Variants in KIAA0408 observed in about 807,000 individuals in gnomAD.
KIAA0408 encodes KIAA0408, also known as uncharacterized protein KIAA0408.
Under a neutral mutation model 60.9 loss-of-function variants are expected in KIAA0408, and 51 were observed. That is an observed-to-expected ratio of 0.84 (90% CI 0.67 to 1.06). KIAA0408 has a LOEUF of 1.06. Among genes scored for constraint, KIAA0408 ranks in the 50% least tolerant of loss-of-function variants. The probability of loss-of-function intolerance (pLI) is 0.00; values close to 1 mark genes in which losing one functional copy is unlikely to be tolerated. For missense variants in KIAA0408, 787 were observed against 833.9 expected, an observed-to-expected ratio of 0.94 and a Z score of 0.69; for synonymous variants, 304 against 282.4, an observed-to-expected ratio of 1.08 and a Z score of -0.77.
At position 127,439,249 on chromosome 6, in the gene KIAA0408, T is replaced by C. The variant is rs1272891684; in HGVS notation, c.*4860A>G. 6.6e-6 allele frequency: 1 copy of C among 152,270 alleles called. No individual in the cohort carries two copies. Among genetic ancestry groups the C allele is most frequent in the East Asian group, 1.9e-4 (1 of 5,206 alleles). The allele number at this position is 152,270 out of a possible 1,614,324, so 9.4% of individuals were successfully genotyped here. Reference sequence around the variant, plus strand: ...AGATAATACTTCAAGCAAACTGCTTTTATTTATTCTGGAGTATATGTAACT... The same window carrying C: ...AGATAATACTTCAAGCAAACTGCTTCTATTTATTCTGGAGTATATGTAACT... On this transcript the variant is annotated 3_prime_UTR_variant, in exon 6 of 6. Transcript: ENST00000483725.
Position 127,446,556 on chromosome 6 carries a change from CA to C in KIAA0408, c.1762del (p.Trp588GlyfsTer14). 1 of 1,614,140 alleles carries C rather than the reference CA, an allele frequency of 6.2e-7. No homozygotes were observed. Among genetic ancestry groups the C allele is most frequent in the East Asian group, 2.2e-5 (1 of 44,882 alleles). ...LQNSKCFQDN[W>X]TKCNSDVSGG... The stretch of plus-strand genomic sequence containing the variant: ...ACTGACATCAGAATTACATTTGGTC[CA>C]ATTATCCTGGAAGCACTTAGAATTT... On this transcript the variant is annotated frameshift_variant, in exon 5 of 6. Coordinates refer to ENST00000483725, the MANE Select transcript of KIAA0408 (RefSeq NM_014702.5). LOFTEE classifies it high-confidence loss of function.
rs148801531 is a variant in KIAA0408 at position 127,438,437 on chromosome 6, T to C, written c.*5672A>G. 46 of 152,314 alleles carry C rather than the reference T, an allele frequency of 3.0e-4. No homozygotes were observed. Among genetic ancestry groups the C allele is most frequent in the African/African-American group, 1.1e-3 (44 of 41,566 alleles). 9.4% of individuals were successfully genotyped at this position (152,314 alleles called of 1,614,324 possible). On this transcript the variant is annotated 3_prime_UTR_variant, in exon 6 of 6. Coordinates refer to ENST00000483725, the MANE Select transcript of KIAA0408 (RefSeq NM_014702.5). ...GATTAAATTTGTTTAATGATTCTTA[T>C]AAAATTGCCATGAGTAAGTAATTGA...
Position 127,447,367 on chromosome 6 carries a change from G to C in KIAA0408, c.952C>G (p.Gln318Glu), listed in dbSNP as rs765551325. 2.4e-5 allele frequency: 38 copies of C among 1,612,124 alleles called. No homozygotes were observed. In the Admixed American group the frequency reaches 3.9e-4, roughly 16 times the overall value. The change falls in exon 5 of 6, where the codon CAA (glutamine) becomes GAA (glutamate). Residue 318 changes from glutamine to glutamate, a missense_variant. This residue lies in a region of KIAA0408 where 640 missense variants were observed against 681.3 expected (regional missense o/e 0.94). Transcript: ENST00000483725. ...NYNPHFPLRQ[Q>E]EMSMLYPNEG... Reference sequence around the variant, plus strand: ...TTTGGATACAACATAGACATCTCTTGTTGTCTCAAAGGGAAGTGAGGGTTG... The same window carrying C: ...TTTGGATACAACATAGACATCTCTTCTTGTCTCAAAGGGAAGTGAGGGTTG...
Position 127,439,157 on chromosome 6 carries a change from T to C in KIAA0408, c.*4952A>G. ...CCCAGCCTCCAGAACTGTAGAGAAA[T>C]AAATTTCTGTTCTTTATAAATAACC... On this transcript the variant is annotated 3_prime_UTR_variant, in exon 6 of 6. Coordinates refer to ENST00000483725, the MANE Select transcript of KIAA0408 (RefSeq NM_014702.5). The C allele has an allele frequency of 6.2e-6, 1 of 161,408 alleles. No individual in the cohort carries two copies. Among genetic ancestry groups the C allele is most frequent in the Non-Finnish European group, 1.3e-5 (1 of 75,322 alleles). 10.0% of individuals were successfully genotyped at this position (161,408 alleles called of 1,614,324 possible). A position where few individuals can be genotyped will look rare whatever the true frequency, so the allele number is the denominator to read the frequency against.
intron 2 of KIAA0408, among the ~76,000 whole-genome samples, chr6:127,453,581 T>TA (rs964357593): frequency 6.6e-6 from 1 of 152,020 alleles, no homozygotes; most frequent in Admixed American, 6.6e-5. Context: ...TCACTTTTGA[T>TA]AAAAAAGCTC....
Position 127,442,655 on chromosome 6 carries a change from CAG to C in KIAA0408, c.*1452_*1453del, listed in dbSNP as rs1176004533. 1 of 152,132 alleles carries C rather than the reference CAG, an allele frequency of 6.6e-6. No individual in the cohort carries two copies. The allele number at this position is 152,132 out of a possible 1,614,324, so 9.4% of individuals were successfully genotyped here. ...AATTTGAAAATTATTTTCTTTACCT[CAG>C]GTCATGGGGTACAATGAAGTGAATT... On this transcript the variant is annotated 3_prime_UTR_variant, in exon 6 of 6. Coordinates refer to ENST00000483725, the MANE Select transcript of KIAA0408 (RefSeq NM_014702.5).
chr6:127,457,155 T>C (rs1773410428), intron 1 of KIAA0408, among the ~76,000 whole-genome samples: 1 of 152,214 alleles, frequency 6.6e-6, no homozygotes, highest in Non-Finnish European at 1.5e-5. Flanking sequence ...AAAAAAGTTT[T>C]ATTGTTAATA....
Position 127,453,939 on chromosome 6 carries a change from G to A in KIAA0408, c.43C>T (p.His15Tyr). The A allele has an allele frequency of 6.2e-7, 1 of 1,612,402 alleles. No homozygotes were observed. The highest frequency in any genetic ancestry group is 8.5e-7 in the Non-Finnish European group (1 of 1,179,044). The change falls in exon 2 of 6, where the codon CAT becomes TAT. Residue 15 changes from histidine (H) to tyrosine (Y), a missense_variant. By Grantham distance (83) the His-to-Tyr change is moderately conservative. Coordinates refer to ENST00000483725, the MANE Select transcript of KIAA0408 (RefSeq NM_014702.5). ...TCCAGTAATTCCATCTTTTCCTTAT[G>A]CCAGTTAGTCTCTGTGTTCTCCCAC... ...KQWENTETNW[H>Y]KEKMELLDQF...
In KIAA0408 at chr6:127,441,125, G is replaced by A. The variant is rs1773101718; in HGVS notation, c.*2984C>T. 6.6e-6 allele frequency: 1 copy of A among 152,254 alleles called. No individual in the cohort carries two copies. The allele number at this position is 152,254 out of a possible 1,614,324, so 9.4% of individuals were successfully genotyped here. A position where few individuals can be genotyped will look rare whatever the true frequency, so the allele number is the denominator to read the frequency against. On this transcript the variant is annotated 3_prime_UTR_variant, in exon 6 of 6. Transcript: ENST00000483725. Reference sequence around the variant, plus strand: ...TATCAAGTAGTTGTTTGTCACAAATGTGCCTAAAAATAACTTTAAAGATCT... The same window carrying A: ...TATCAAGTAGTTGTTTGTCACAAATATGCCTAAAAATAACTTTAAAGATCT...
At chr6:127,449,222 C>T (rs937111811) in intron 4 of KIAA0408, among the ~76,000 whole-genome samples, 1 of 152,106 alleles carries the variant, frequency 6.6e-6, no homozygotes, top group East Asian at 1.9e-4. Context: ...GAAAGAACTA[C>T]TTTAGAGGTT....
At chr6:127,444,957 A>C (rs1773165038) in intron 5 of KIAA0408, among the ~76,000 whole-genome samples, 2 of 151,466 alleles carry the variant, frequency 1.3e-5, no homozygotes, top group Admixed American at 6.6e-5. Flanking sequence ...ATGGAAAAAA[A>C]GCATTCCTTG....
intron 2 of KIAA0408, 97 bp from the exon 3 acceptor site, chr6:127,450,449 C>T: frequency 6.9e-7 from 1 of 1,441,300 alleles, no homozygotes; most frequent in Non-Finnish European, 9.1e-7. Flanking sequence ...TTCTCTTTGC[C>T]ATATTAAAAT....
rs1214275758 is a variant in KIAA0408 at position 127,446,804 on chromosome 6, C to T, written c.1515G>A (p.Met505Ile). ...TGGTGGGATTATCAGGCACATTTTC[C>T]ATGGGCACAGGCATGTGGGCATTGG... Reference protein sequence around the residue: ...WKTNAHMPVPMENVPDNPTKK... With the variant: ...WKTNAHMPVPIENVPDNPTKK... The change falls in exon 5 of 6, where the codon ATG becomes ATA. Residue 505 changes from methionine (M) to isoleucine (I), a missense_variant. Around this residue, in one of 3 missense-constraint regions of KIAA0408, gnomAD observed 640 missense variants for 681.3 expected, o/e 0.94. Transcript: ENST00000483725. 1.2e-6 allele frequency: 2 copies of T among 1,613,964 alleles called. No homozygotes were observed. Among genetic ancestry groups the T allele is most frequent in the Non-Finnish European group, 1.7e-6 (2 of 1,179,974 alleles).
Position 127,447,265 on chromosome 6 carries a change from T to C in KIAA0408, c.1054A>G (p.Ser352Gly). ...PEVKIDSKPP[S>G]NEDVGLSMWS... The stretch of plus-strand genomic sequence containing the variant: ...ATGCTAAGTCCAACATCTTCATTAC[T>C]TGGAGGCTTGCTATCTATTTTGACT... The change falls in exon 5 of 6, where the codon AGT (serine) becomes GGT (glycine). Residue 352 changes from serine (S) to glycine (G), a missense_variant. By Grantham distance (56) the Ser-to-Gly change is moderately conservative. This residue lies in a region of KIAA0408 where 640 missense variants were observed against 681.3 expected (regional missense o/e 0.94). Transcript: ENST00000483725. The C allele has an allele frequency of 1.2e-6, 2 of 1,614,056 alleles. No individual in the cohort carries two copies. The highest frequency in any genetic ancestry group is 8.5e-7 in the Non-Finnish European group (1 of 1,179,968).
At position 127,449,838 on chromosome 6, in the gene KIAA0408, G is replaced by C; in HGVS notation, c.562C>G (p.Arg188Gly). The C allele has an allele frequency of 6.2e-7, 1 of 1,613,872 alleles. No individual in the cohort carries two copies. The highest frequency in any genetic ancestry group is 8.5e-7 in the Non-Finnish European group (1 of 1,179,936). ...LCSFQEEIRK[R>G]SNHRRMKSDS... ...CCAGCCTACCTTCTATGGTTAGACCGCTTTCGAATTTCCTCTTGAAAGCTG... is the reference window on the plus strand; with the variant it reads ...CCAGCCTACCTTCTATGGTTAGACCCCTTTCGAATTTCCTCTTGAAAGCTG... Residue 188 changes from arginine (R) to glycine (G), a missense_variant, in exon 4 of 6, where the codon CGG becomes GGG. Transcript: ENST00000483725.
At position 127,443,760 on chromosome 6, in the gene KIAA0408, C is replaced by G. The variant is rs751976716; in HGVS notation, c.*349G>C. The G allele has an allele frequency of 1.8e-4, 34 of 193,402 alleles. No individual in the cohort carries two copies. Among genetic ancestry groups the G allele is most frequent in the Non-Finnish European group, 2.8e-4 (26 of 93,380 alleles). 12.0% of individuals were successfully genotyped at this position (193,402 alleles called of 1,614,324 possible). A position where few individuals can be genotyped will look rare whatever the true frequency, so the allele number is the denominator to read the frequency against. ...ACACTAGCACATAAGTTTTTCATATCTAAATACATACTAGGATACTTCCTA... is the reference window on the plus strand; with the variant it reads ...ACACTAGCACATAAGTTTTTCATATGTAAATACATACTAGGATACTTCCTA... On this transcript the variant is annotated 3_prime_UTR_variant, in exon 6 of 6. Transcript: ENST00000483725.
At position 127,439,448 on chromosome 6, in the gene KIAA0408, C is replaced by T. The variant is rs1773069643; in HGVS notation, c.*4661G>A. 6.6e-6 allele frequency: 1 copy of T among 152,058 alleles called. No individual in the cohort carries two copies. Among genetic ancestry groups the T allele is most frequent in the Non-Finnish European group, 1.5e-5 (1 of 68,002 alleles). The allele number at this position is 152,058 out of a possible 1,614,324, so 9.4% of individuals were successfully genotyped here. ...TAAAAGTGGAAATATTTTGTTAAAG[C>T]CTTGTTCACAACTTCTTGAATTTCA... On this transcript the variant is annotated 3_prime_UTR_variant, in exon 6 of 6. Coordinates refer to ENST00000483725, the MANE Select transcript of KIAA0408 (RefSeq NM_014702.5).
chr6:127,458,231 T>A (rs1043973431), intron 1 of KIAA0408, among the ~76,000 whole-genome samples: 1 of 152,220 alleles, frequency 6.6e-6, no homozygotes, highest in Non-Finnish European at 1.5e-5. Context: ...CAGGCTATTA[T>A]AATCACTTGA....
chr6:127,454,611 A>T (rs1179746409), intron 1 of KIAA0408, among the ~76,000 whole-genome samples: 1 of 152,134 alleles, frequency 6.6e-6, no homozygotes, highest in Non-Finnish European at 1.5e-5. Context: ...GTTACTTATG[A>T]AGACCCCAAA....
Sources: allele counts gnomAD v4.1 joint callset (sites outside exome capture counted in the v4.1 genomes callset), GRCh38; gene constraint gnomAD v4.1.1; regional missense constraint gnomAD v4.1.1; transcripts MANE v1.5; gene names NCBI Gene and HGNC (gene_info 2026-07-23, HGNC 2026-07-21).